The following TRIM24 variants were observed in gnomAD, a reference collection of about 807,000 sequenced individuals.
TRIM24 encodes tripartite motif containing 24, also known as transcription intermediary factor 1-alpha.
In TRIM24, 29 loss-of-function variants were observed where a neutral mutation model predicts 123.9. That is an observed-to-expected ratio of 0.23 (90% CI 0.17 to 0.32). The LOEUF (loss-of-function observed/expected upper bound fraction) is 0.32. TRIM24 is among the 10% of genes least tolerant of loss of function. TRIM24 has a pLI of 1.00. For synonymous variants in TRIM24, 456 were observed against 461.1 expected, an observed-to-expected ratio of 0.99 and a Z score of 0.14; for missense variants, 932 against 1,295.3, an observed-to-expected ratio of 0.72 and a Z score of 4.31.
intron 9 of TRIM24, among the ~76,000 whole-genome samples, chr7:138,567,049 A>C (rs1797548759): frequency 6.6e-6 from 1 of 152,280 alleles, no homozygotes; most frequent in South Asian, 2.1e-4. Context: ...CATTTAAAGC[A>C]GTACCTGGCA....
At chr7:138,563,345 C>G (rs1377040835) in intron 9 of TRIM24, among the ~76,000 whole-genome samples, 1 of 152,130 alleles carries the variant, frequency 6.6e-6, no homozygotes, top group Non-Finnish European at 1.5e-5. Flanking sequence ...TTTCCAGTGT[C>G]CCTTTTAGCA....
At chr7:138,470,957 G>GTA (rs1178098507) in intron 1 of TRIM24, among the ~76,000 whole-genome samples, 2 of 152,188 alleles carry the variant, frequency 1.3e-5, no homozygotes, top group African/African-American at 4.8e-5. Context: ...GATAAAGATA[G>GTA]TACTCCTTTG....
chr7:138,541,912 C>T (rs1797012549), intron 7 of TRIM24, among the ~76,000 whole-genome samples: 2 of 152,200 alleles, frequency 1.3e-5, no homozygotes, highest in South Asian at 4.1e-4. Context: ...TGGTTTCTTT[C>T]CATAAATCTC....
At chr7:138,547,245 A>T (rs1215869170) in intron 7 of TRIM24, among the ~76,000 whole-genome samples, 1 of 152,188 alleles carries the variant, frequency 6.6e-6, no homozygotes, top group East Asian at 1.9e-4. Flanking sequence ...GAAGGGATTC[A>T]GGGTATTGGA....
intron 4 of TRIM24, 71 bp downstream of exon 4, chr7:138,519,392 C>T: frequency 6.7e-7 from 1 of 1,498,256 alleles, no homozygotes; most frequent in Non-Finnish European, 8.9e-7. Flanking sequence ...GCTGCCAACC[C>T]TCATCAAATG....
chr7:138,504,447 CTTTTTTTTTTTTTTTTT>C (rs750956455), intron 2 of TRIM24, 39 bp downstream of exon 2: 1 of 154,630 alleles, frequency 6.5e-6, no homozygotes, highest in Non-Finnish European at 1.1e-5. Context: ...CCTGCCAGCT[CTTTTTTTTTTTTTTTTT>C]TTTTTTTTTG....
chr7:138,492,388 C>T (rs1276337299), intron 1 of TRIM24, among the ~76,000 whole-genome samples: 1 of 150,052 alleles, frequency 6.7e-6, no homozygotes, highest in Non-Finnish European at 1.5e-5. Flanking sequence ...TAAGCACTTA[C>T]AAGATACATG....
chr7:138,463,240 CCTT>C (rs1795052564), intron 1 of TRIM24, among the ~76,000 whole-genome samples: 1 of 151,576 alleles, frequency 6.6e-6, no homozygotes, highest in Middle Eastern at 3.4e-3. Context: ...TTCCTTCCTT[CCTT>C]CTTTCCTGCG....
intron 4 of TRIM24, among the ~76,000 whole-genome samples, chr7:138,520,836 G>T (rs1333581280): frequency 6.6e-6 from 1 of 152,124 alleles, no homozygotes; most frequent in East Asian, 1.9e-4. Context: ...TCAGCAAGAG[G>T]AGGATGAAAA....
At position 138,460,512 on chromosome 7, in the gene TRIM24, G is replaced by A; in HGVS notation, c.-37G>A. The A allele has an allele frequency of 7.9e-7, 1 of 1,261,164 alleles. No individual in the cohort carries two copies. The highest frequency in any genetic ancestry group is 1.6e-5 in the African/African-American group (1 of 64,510). 78.1% of individuals were successfully genotyped at this position (1,261,164 alleles called of 1,614,324 possible). A position where few individuals can be genotyped will look rare whatever the true frequency, so the allele number is the denominator to read the frequency against. ...TCGTCGGGGGCGGCGGGCGGAGACCGCGCTCTCGCTTCCCCGGCGGCGGCA... is the reference window on the plus strand; with the variant it reads ...TCGTCGGGGGCGGCGGGCGGAGACCACGCTCTCGCTTCCCCGGCGGCGGCA... On this transcript the variant is annotated 5_prime_UTR_variant, in exon 1 of 19. Coordinates refer to ENST00000343526, the MANE Select transcript of TRIM24 (RefSeq NM_015905.3).
intron 3 of TRIM24, among the ~76,000 whole-genome samples, chr7:138,518,909 A>T (rs1281806783): frequency 2.6e-5 from 4 of 152,224 alleles, no homozygotes; most frequent in Non-Finnish European, 5.9e-5. Flanking sequence ...TTTTAATGCA[A>T]TAAAACATAT....
chr7:138,554,654 A>C lies in TRIM24; in HGVS notation c.1262-44A>C, dbSNP rs1270821451. 1 of 1,574,696 alleles carries C rather than the reference A, an allele frequency of 6.4e-7. No individual in the cohort carries two copies. Among genetic ancestry groups the C allele is most frequent in the South Asian group, 1.2e-5 (1 of 86,276 alleles). On this transcript the variant is annotated intron_variant, in intron 8 of 18. Coordinates refer to ENST00000343526, the MANE Select transcript of TRIM24 (RefSeq NM_015905.3). The surrounding 1 kb of genome is among the most constrained non-coding windows in gnomAD (Gnocchi z 4.5). Reference sequence around the variant, plus strand: ...CTTTAGAAAATGTGATATTTCACCAACTATCTGAAAAACTGTTTCCCTTAA... The same window carrying C: ...CTTTAGAAAATGTGATATTTCACCACCTATCTGAAAAACTGTTTCCCTTAA...
At position 138,584,997 on chromosome 7, in the gene TRIM24, T is replaced by C. The variant is rs1159014812; in HGVS notation, c.*46T>C. ...TGCTGGTTTTTAGATTTTTTTGTTT[T>C]CAAAAAAACATTTGTCAGTAATTTA... is the stretch of plus-strand genomic sequence containing the variant. On this transcript the variant is annotated 3_prime_UTR_variant, in exon 19 of 19. Transcript: ENST00000343526. 4 of 1,497,974 alleles carry C rather than the reference T, an allele frequency of 2.7e-6. No individual in the cohort carries two copies. 92.8% of individuals were successfully genotyped at this position (1,497,974 alleles called of 1,614,324 possible).
intron 16 of TRIM24, 109 bp downstream of exon 16, chr7:138,580,803 TTAAGAG>T: frequency 9.5e-7 from 1 of 1,057,888 alleles, no homozygotes; most frequent in South Asian, 3.0e-5. Flanking sequence ...TCCTTTTTAT[TTAAGAG>T]TATTTTTTTT....
chr7:138,578,561 TGTGC>T (rs1554445349), intron 14 of TRIM24, among the ~76,000 whole-genome samples: 2,643 of 99,588 alleles, frequency 0.027, 77 homozygotes, highest in African/African-American at 0.072. Context: ...TGTGTGTGTG[TGTGC>T]GCGCACGCAC....
chr7:138,496,694 T>C (rs1795914509), intron 1 of TRIM24, among the ~76,000 whole-genome samples: 3 of 152,048 alleles, frequency 2.0e-5, no homozygotes, highest in Admixed American at 6.6e-5. Context: ...AGAGATGAGA[T>C]CTCACTATGT....
chr7:138,562,378 G>T lies in TRIM24; in HGVS notation c.1531-5103G>T, dbSNP rs557454169. On this transcript the variant is annotated intron_variant, in intron 9 of 18. Coordinates refer to ENST00000343526, the MANE Select transcript of TRIM24 (RefSeq NM_015905.3). ...TAGGCAAGTAAACCAGGCAGCACTT[G>T]CTGGAATAAGTCCCATCAAAGTATA... Among the ~76,000 whole-genome samples the T allele has an allele frequency of 1.8e-4, 27 of 152,246 alleles. No homozygotes were observed. In the South Asian group the frequency reaches 5.4e-3, roughly 30 times the overall value.
chr7:138,570,762 T>C (rs1797637266), intron 10 of TRIM24, 68 bp from the exon 11 acceptor site: 6 of 1,520,872 alleles, frequency 3.9e-6, no homozygotes, highest in African/African-American at 1.4e-5. Flanking sequence ...TTTGTGTGAG[T>C]GATTACATAG....
chr7:138,559,481 T>C (rs574253024), intron 9 of TRIM24, among the ~76,000 whole-genome samples: 2 of 152,318 alleles, frequency 1.3e-5, no homozygotes, highest in Admixed American at 1.3e-4. Context: ...GGAAAGCTAT[T>C]GGACCTAAGA....
Sources: gnomAD v4.1 joint callset for allele counts (sites outside exome capture counted in the v4.1 genomes callset) on GRCh38, gnomAD v4.1.1 for gene constraint, Gnocchi (gnomAD v3.1) non-coding constraint, MANE v1.5 for transcripts, NCBI Gene and HGNC (gene_info 2026-07-23, HGNC 2026-07-21) for gene names.